INTS6: variants seen among roughly 807,000 people sequenced by gnomAD.
The protein encoded by INTS6 is integrator complex subunit 6, also known as DEAD box protein.
INTS6 carries 16 observed loss-of-function variants against 104.9 expected under a neutral mutation model. That is an observed-to-expected ratio of 0.15 (90% CI 0.10 to 0.23). The LOEUF (loss-of-function observed/expected upper bound fraction) is 0.23. Among genes scored for constraint, INTS6 ranks in the 10% least tolerant of loss-of-function variants. The pLI is 1.00. For missense variants in INTS6, 584 were observed against 1,062.8 expected (o/e 0.55, Z 6.26); for synonymous variants, 324 against 358.7 (o/e 0.90, Z 1.09).
chr13:51,381,754 G>A (rs1169282640), intron 10 of INTS6, among the ~76,000 whole-genome samples: 1 of 150,136 alleles, frequency 6.7e-6, no homozygotes, highest in African/African-American at 2.5e-5. Context: ...GCTGGATGGA[G>A]TGCAGTGGCA....
chr13:51,383,831 C>A, intron 7 of INTS6, 90 bp from the exon 8 acceptor site: 2 of 1,120,268 alleles, frequency 1.8e-6, no homozygotes, highest in East Asian at 2.5e-5. Flanking sequence ...CTCAGTTCCT[C>A]CGTCTTGCTA....
downstream of INTS6, among the ~76,000 whole-genome samples, chr13:51,356,796 T>A (rs1249308260): frequency 1.4e-5 from 2 of 144,268 alleles, no homozygotes; most frequent in East Asian, 4.1e-4. Flanking sequence ...TTTTTTTTTT[T>A]AACGCTATTC....
intron 4 of INTS6, among the ~76,000 whole-genome samples, chr13:51,420,029 A>G (rs1362698947): frequency 2.6e-5 from 4 of 152,220 alleles, no homozygotes; most frequent in Non-Finnish European, 5.9e-5. Flanking sequence ...CAACAGTGGA[A>G]TAGTTCCAGT....
chr13:51,351,496 T>TA (rs574890660), downstream of INTS6, among the ~76,000 whole-genome samples: 13 of 152,266 alleles, frequency 8.5e-5, no homozygotes, highest in South Asian at 2.7e-3. Context: ...GTTGTCTTTT[T>TA]ATTATTGAGT....
At chr13:51,420,990 G>A (rs1431705247) in intron 4 of INTS6, 1 of 351,372 alleles carries the variant, frequency 2.8e-6, no homozygotes, top group Non-Finnish European at 4.0e-6. Context: ...CAATTTATAA[G>A]CTCAAAGTTA....
At chr13:51,419,305 C>T (rs1956853182) in intron 4 of INTS6, among the ~76,000 whole-genome samples, 1 of 152,110 alleles carries the variant, frequency 6.6e-6, no homozygotes, top group African/African-American at 2.4e-5. Context: ...ATAAGGTTCC[C>T]ATCTGTAAGG....
intron 4 of INTS6, among the ~76,000 whole-genome samples, chr13:51,401,716 CAACA>C (rs909211293): frequency 8.6e-5 from 13 of 152,044 alleles, no homozygotes; most frequent in African/African-American, 3.1e-4. Context: ...CATTTACAAA[CAACA>C]AACAGAGAGC....
At chr13:51,382,463 T>C (rs1956070550) in intron 9 of INTS6, among the ~76,000 whole-genome samples, 1 of 152,244 alleles carries the variant, frequency 6.6e-6, no homozygotes, top group African/African-American at 2.4e-5. Flanking sequence ...ATTTTGACTA[T>C]AACTTTTAAA....
At chr13:51,411,686 G>A (rs947963724) in intron 4 of INTS6, among the ~76,000 whole-genome samples, 5 of 152,274 alleles carry the variant, frequency 3.3e-5, no homozygotes, top group African/African-American at 7.2e-5. Context: ...TTGGAAAGAC[G>A]TAGAGTAACT....
chr13:51,408,953 A>G (rs1956629997), intron 4 of INTS6, among the ~76,000 whole-genome samples: 2 of 152,284 alleles, frequency 1.3e-5, no homozygotes, highest in East Asian at 3.9e-4. Flanking sequence ...CAACTATAGC[A>G]TAAAATTATC....
chr13:51,418,466 T>C (rs1479298673), intron 4 of INTS6, among the ~76,000 whole-genome samples: 1 of 152,086 alleles, frequency 6.6e-6, no homozygotes, highest in Non-Finnish European at 1.5e-5. Context: ...TCATATCATA[T>C]TTATTAAGGA....
chr13:51,342,278 C>G, the INTS6 span, among the ~76,000 whole-genome samples: 1 of 152,076 alleles, frequency 6.6e-6, no homozygotes, highest in African/African-American at 2.4e-5. Context: ...CCGGCCTACC[C>G]ATTCTTCACC....
At position 51,355,081 on chromosome 13, in the gene INTS6, T is replaced by A; in HGVS notation, n.431-745A>T. ...AATCAATTCAACTTAAAAAGCATTT[T>A]AAATTCTTGGGGAGTCACCGATCTT... On this transcript the variant is annotated intron_variant and non_coding_transcript_variant, in intron 3 of 3. Coordinates refer to the INTS6 transcript ENST00000476666. The A allele has an allele frequency of 2.6e-6, 4 of 1,551,152 alleles. No homozygotes were observed. The South Asian group carries it at 4.8e-5, about 18-fold the overall frequency.
At chr13:51,375,734 GGTGT>G (rs71684515) in intron 13 of INTS6, among the ~76,000 whole-genome samples, 5,715 of 147,652 alleles carry the variant, frequency 0.039, 188 homozygotes, top group African/African-American at 0.093. Flanking sequence ...TTGATAAGTG[GGTGT>G]GTGTGTGTGT....
intron 15 of INTS6, among the ~76,000 whole-genome samples, chr13:51,369,925 AGCC>A: frequency 6.6e-6 from 1 of 152,176 alleles, no homozygotes; most frequent in Admixed American, 6.5e-5. Flanking sequence ...AAAGCTCGCA[AGCC>A]TTCCTCTTAA....
chr13:51,374,386 A>G lies in INTS6; in HGVS notation c.1926T>C (p.His642=), dbSNP rs1323902327. The G allele has an allele frequency of 1.9e-6, 3 of 1,552,272 alleles. No homozygotes were observed. Among genetic ancestry groups the G allele is most frequent in the Non-Finnish European group, 2.6e-6 (3 of 1,137,310 alleles). Reference sequence around the variant, plus strand: ...GCATATTTGGTTCTCCGGGTCGTTTATGTTTATTTTGAGGTCCAGCCACAA... The same window carrying G: ...GCATATTTGGTTCTCCGGGTCGTTTGTGTTTATTTTGAGGTCCAGCCACAA... ...DEFVAGPQNK[H]KRPGEPNMQG... The change falls in exon 15 of 18, where the codon CAT becomes CAC. Residue 642 remains histidine (H), a synonymous_variant. Transcript: ENST00000311234.
chr13:51,409,630 T>A (rs1382941383), intron 4 of INTS6, among the ~76,000 whole-genome samples: 1 of 151,982 alleles, frequency 6.6e-6, no homozygotes, highest in African/African-American at 2.4e-5. Context: ...TGCTAATTCA[T>A]CATAGGTAGT....
Position 51,397,837 on chromosome 13 carries a change from A to ATG in INTS6, c.430-2355_430-2354insCA, listed in dbSNP as rs1566224168. Among the ~76,000 whole-genome samples, 939 of 152,054 alleles carry ATG rather than the reference A, an allele frequency of 6.2e-3. 8 individuals carry two copies. The highest frequency in any genetic ancestry group is 0.021 in the African/African-American group (873 of 41,410). On this transcript the variant is annotated intron_variant, in intron 4 of 17. Transcript: ENST00000311234. ...GGACCACACACACACACACACATGC[A>ATG]CACACACAAACTAATCATGTAATGA...
rs529697932 is a variant in INTS6 at position 51,433,107 on chromosome 13, T to C, written c.340-2724A>G. The stretch of plus-strand genomic sequence containing the variant: ...AAAAGCCACCACAGCATGGACCAAA[T>C]ATTTGTAGTAGGGTCTTCTATATCA... On this transcript the variant is annotated intron_variant, in intron 3 of 17. Coordinates refer to ENST00000311234, the MANE Select transcript of INTS6 (RefSeq NM_012141.3). Among the ~76,000 whole-genome samples, 3 of 152,290 alleles carry C rather than the reference T, an allele frequency of 2.0e-5. No homozygotes were observed. The East Asian group carries it at 5.8e-4, about 29-fold the overall frequency.
Sources: allele counts gnomAD v4.1 joint callset (sites outside exome capture counted in the v4.1 genomes callset), GRCh38; gene constraint gnomAD v4.1.1; transcripts MANE v1.5; gene names NCBI Gene and HGNC (gene_info 2026-07-23, HGNC 2026-07-21).